Variants in ACOT7 observed in about 807,000 individuals in gnomAD.
ACOT7 encodes the protein cytosolic acyl coenzyme A thioester hydrolase.
Under a neutral mutation model 40.2 loss-of-function variants are expected in ACOT7, and 12 were observed. The observed-to-expected ratio is 0.30, with a 90% confidence interval of 0.19 to 0.48. ACOT7 has a LOEUF of 0.48. Among genes scored for constraint, ACOT7 ranks in the 20% least tolerant of loss-of-function variants. ACOT7 has a pLI of 0.99. For missense variants in ACOT7, 395 were observed against 530.8 expected (o/e 0.74, Z 2.51); for synonymous variants, 228 against 219.5 (o/e 1.04, Z -0.34).
intron 6 of ACOT7, among the ~76,000 whole-genome samples, chr1:6,317,456 T>C (rs1640524774): frequency 6.6e-6 from 1 of 152,244 alleles, no homozygotes; most frequent in Admixed American, 6.5e-5. Flanking sequence ...CTACGAACTT[T>C]AAGGCCTGTG....
chr1:6,309,393 C>T (rs562811321), intron 6 of ACOT7, among the ~76,000 whole-genome samples: 1 of 152,302 alleles, frequency 6.6e-6, no homozygotes, highest in East Asian at 1.9e-4. Flanking sequence ...GAGACCCAGA[C>T]AGAGACATAA....
At chr1:6,380,411 G>A (rs377379677) in intron 1 of ACOT7, among the ~76,000 whole-genome samples, 5 of 151,144 alleles carry the variant, frequency 3.3e-5, no homozygotes, top group Admixed American at 6.6e-5. Flanking sequence ...CAGCCTGACC[G>A]ACATGGTGAA....
At chr1:6,340,592 G>A (rs1034672090) in intron 2 of ACOT7, among the ~76,000 whole-genome samples, 4 of 152,126 alleles carry the variant, frequency 2.6e-5, no homozygotes, top group African/African-American at 9.7e-5. Flanking sequence ...GGGTTTTGTT[G>A]TCTCACTTGT....
intron 1 of ACOT7, among the ~76,000 whole-genome samples, chr1:6,370,243 G>A (rs1471963127): frequency 6.6e-6 from 1 of 151,952 alleles, no homozygotes; most frequent in African/African-American, 2.4e-5. Flanking sequence ...TGAGTCCCTC[G>A]CCAGAAGAAG....
intron 2 of ACOT7, among the ~76,000 whole-genome samples, chr1:6,342,798 G>A (rs1394198192): frequency 6.6e-6 from 1 of 152,238 alleles, no homozygotes; most frequent in Non-Finnish European, 1.5e-5. Flanking sequence ...CTGGGCCCAA[G>A]GACAAATACT....
At chr1:6,302,871 C>A (rs1379508977) in intron 6 of ACOT7, among the ~76,000 whole-genome samples, 3 of 152,146 alleles carry the variant, frequency 2.0e-5, no homozygotes, top group African/African-American at 7.2e-5. Flanking sequence ...TGCTACCACA[C>A]AATGCCTGTG....
intron 2 of ACOT7, among the ~76,000 whole-genome samples, chr1:6,348,628 A>G (rs2148454290): frequency 6.6e-6 from 1 of 152,350 alleles, no homozygotes; most frequent in Non-Finnish European, 1.5e-5. Flanking sequence ...TGTGACATCT[A>G]TGAACCAGGA....
rs3789481 is a variant in ACOT7 at position 6,343,443 on chromosome 1, T to C, written c.262-3854A>G. On this transcript the variant is annotated intron_variant, in intron 2 of 8. Transcript: ENST00000361521. ...GGGACTCTGTGACTGCATCTGGGGC[T>C]GGGCAAGAAAAGTTCTAGAGCTGGC... Among the ~76,000 whole-genome samples the C allele has an allele frequency of 6.8e-4, 104 of 152,376 alleles. 2 individuals carry two copies. The East Asian group carries it at 0.019, about 29-fold the overall frequency.
intron 8 of ACOT7, among the ~76,000 whole-genome samples, chr1:6,270,931 C>T (rs756614263): frequency 2.6e-5 from 4 of 152,116 alleles, no homozygotes; most frequent in South Asian, 2.1e-4. Flanking sequence ...CACATGGGGA[C>T]GCAGGGGTGG....
rs535696200 is a variant in ACOT7, at chr1:6,361,701, G to C, written c.144-11835C>G. On this transcript the variant is annotated intron_variant, in intron 1 of 8. Transcript: ENST00000361521. ...AATCCCAGCTACCAGGGAAGGTGAGGCAGGAGAATCACCTGAACCCAGGAG... is the reference window on the plus strand; with the variant it reads ...AATCCCAGCTACCAGGGAAGGTGAGCCAGGAGAATCACCTGAACCCAGGAG... Among the ~76,000 whole-genome samples the C allele has an allele frequency of 1.7e-4, 26 of 152,326 alleles. No individual in the cohort carries two copies. In the Middle Eastern group the frequency reaches 0.014, roughly 80 times the overall value.
At position 6,289,123 on chromosome 1, in the gene ACOT7, G is replaced by A. The variant is rs537051131; in HGVS notation, c.829+5741C>T. ...ATTTTATTTTATTTTTTTTTGAGAC[G>A]GAGTCTCGCTCTGTCGCCCCGGCTG... On this transcript the variant is annotated intron_variant, in intron 7 of 8. Transcript: ENST00000361521. The surrounding 1 kb of genome is among the most constrained non-coding windows in gnomAD (Gnocchi z 4.6). Among the ~76,000 whole-genome samples, 91 of 151,902 alleles carry A rather than the reference G, an allele frequency of 6.0e-4. 1 individual carries two copies. The highest frequency in any genetic ancestry group is 1.5e-3 in the South Asian group (7 of 4,800).
At chr1:6,266,803 C>T (rs375012450) in intron 8 of ACOT7, among the ~76,000 whole-genome samples, 99 of 152,390 alleles carry the variant, frequency 6.5e-4, no homozygotes, top group African/African-American at 2.3e-3. Flanking sequence ...ACCTTGAAGA[C>T]CCTGTAGCAG....
chr1:6,380,546 G>A (rs1469801031), intron 1 of ACOT7, among the ~76,000 whole-genome samples: 29 of 146,726 alleles, frequency 2.0e-4, no homozygotes, highest in Non-Finnish European at 4.0e-4. Flanking sequence ...CTGAGATCAC[G>A]CCACTGCACT....
At chr1:6,286,828 T>C (rs1186393801) in intron 7 of ACOT7, among the ~76,000 whole-genome samples, 2 of 152,196 alleles carry the variant, frequency 1.3e-5, no homozygotes, top group Non-Finnish European at 2.9e-5. Flanking sequence ...ACTGCCCGCA[T>C]TCATTATGTC....
intron 7 of ACOT7, among the ~76,000 whole-genome samples, chr1:6,287,572 C>T (rs1639539575): frequency 6.6e-6 from 1 of 152,188 alleles, no homozygotes. Flanking sequence ...TTGTGAATTA[C>T]AGCCGCTTTC....
At chr1:6,331,591 G>A (rs1293091829) in intron 4 of ACOT7, among the ~76,000 whole-genome samples, 1 of 152,222 alleles carries the variant, frequency 6.6e-6, no homozygotes, top group Non-Finnish European at 1.5e-5. Context: ...ACTGTCAGGT[G>A]GGAATATGAG....
At position 6,355,753 on chromosome 1, in the gene ACOT7, A is replaced by G. The variant is rs1304193423; in HGVS notation, c.144-5887T>C. On this transcript the variant is annotated intron_variant, in intron 1 of 8. Coordinates refer to ENST00000361521, the MANE Select transcript of ACOT7 (RefSeq NM_007274.4). This position sits in a 1 kb window ranked among gnomAD's most constrained non-coding sequence, Gnocchi z 5.0. ...GATCTCATCACACCAGAGGCCGGCC[A>G]GCACTCATCCCAAGAGCGCCTACAG... Among the ~76,000 whole-genome samples, 11 of 152,234 alleles carry G rather than the reference A, an allele frequency of 7.2e-5. No homozygotes were observed.
intron 6 of ACOT7, among the ~76,000 whole-genome samples, chr1:6,298,538 G>A (rs1639876619): frequency 6.6e-6 from 1 of 152,182 alleles, no homozygotes; most frequent in Admixed American, 6.5e-5. Flanking sequence ...TGAAATACCG[G>A]GAAAATAGCT....
At chr1:6,348,637 G>C (rs753017677) in intron 2 of ACOT7, among the ~76,000 whole-genome samples, 3 of 152,212 alleles carry the variant, frequency 2.0e-5, no homozygotes, top group Non-Finnish European at 4.4e-5. Flanking sequence ...TATGAACCAG[G>C]AAACAAATGG....
Sources: allele counts gnomAD v4.1 joint callset (sites outside exome capture counted in the v4.1 genomes callset), GRCh38; gene constraint gnomAD v4.1.1; non-coding constraint Gnocchi (gnomAD v3.1); transcripts MANE v1.5; gene names NCBI Gene and HGNC (gene_info 2026-07-23, HGNC 2026-07-21).